The following HSF5 variants were observed in gnomAD, a reference collection of about 807,000 sequenced individuals.
HSF5 encodes the protein heat shock transcription factor 5.
HSF5 carries 5 observed loss-of-function variants against 50.8 expected under a neutral mutation model. The ratio of observed to expected loss-of-function variants is 0.10; its 90% CI spans 0.05 to 0.21. The LOEUF is 0.21. Among genes scored for constraint, HSF5 ranks in the 10% least tolerant of loss-of-function variants. HSF5 has a pLI of 1.00. For missense variants in HSF5, 564 were observed against 762.6 expected (o/e 0.74, Z 3.07); for synonymous variants, 307 against 307.4 (o/e 1.00, Z 0.02).
chr17:58,462,297 A>G (rs1332867031), intron 4 of HSF5, among the ~76,000 whole-genome samples: 5 of 152,244 alleles, frequency 3.3e-5, no homozygotes, highest in Admixed American at 3.3e-4. Context: ...CAAACACAGT[A>G]TGCTCACAAG....
intron 5 of HSF5, among the ~76,000 whole-genome samples, chr17:58,452,433 A>C (rs1442870925): frequency 6.6e-6 from 1 of 152,244 alleles, no homozygotes; most frequent in East Asian, 1.9e-4. Context: ...CTGAACACAT[A>C]AAATGTATCA....
rs759430643 is a variant in HSF5 at position 58,479,913 on chromosome 17, G to A, written c.905C>T (p.Ser302Leu). Residue 302 changes from serine to leucine, a missense_variant, in exon 2 of 6, where the codon TCG becomes TTG. Physicochemically the swap from Ser to Leu is moderately radical, Grantham distance 145. Coordinates refer to ENST00000323777, the MANE Select transcript of HSF5 (RefSeq NM_001080439.3). ...YSNYTPSAQY[S>L]QAYYPTAVLQ... ...CATACCTGTTGGATAGTAGGCTTGC[G>A]AGTACTGTGCTGAGGGTGTGTAGTT... The A allele has an allele frequency of 1.5e-5, 25 of 1,613,124 alleles. 1 individual carries two copies. Among genetic ancestry groups the A allele is most frequent in the Non-Finnish European group, 1.9e-5 (23 of 1,179,776 alleles).
chr17:58,440,593 T>C (rs1477958186), intron 5 of HSF5, among the ~76,000 whole-genome samples: 1 of 151,934 alleles, frequency 6.6e-6, no homozygotes, highest in Admixed American at 6.6e-5. Flanking sequence ...CATGAGGGAG[T>C]AGCCACTGTG....
intron 5 of HSF5, among the ~76,000 whole-genome samples, chr17:58,436,538 GA>G (rs1005915577): frequency 9.9e-5 from 14 of 141,288 alleles, no homozygotes; most frequent in Non-Finnish European, 1.5e-4. Context: ...GCTTTACTTA[GA>G]AAAAAAAAAC....
intron 2 of HSF5, among the ~76,000 whole-genome samples, chr17:58,478,601 C>A (rs1448867788): frequency 1.3e-5 from 2 of 151,354 alleles, no homozygotes; most frequent in Non-Finnish European, 2.9e-5. Flanking sequence ...GTGGCTCACT[C>A]CCGTAATCCC....
At chr17:58,466,854 C>T (rs768366552) in intron 3 of HSF5, 31 bp downstream of exon 3, 20 of 1,344,942 alleles carry the variant, frequency 1.5e-5, no homozygotes, top group Admixed American at 3.4e-5. Context: ...ACATAAAGCG[C>T]GGAGCATGGC....
intron 5 of HSF5, among the ~76,000 whole-genome samples, chr17:58,443,501 A>C (rs1470396722): frequency 2.6e-5 from 4 of 152,146 alleles, no homozygotes; most frequent in East Asian, 3.8e-4. Context: ...CCTGCTCTCG[A>C]GCCCTCTGCC....
At chr17:58,475,708 A>T (rs1288807254) in intron 2 of HSF5, among the ~76,000 whole-genome samples, 5 of 152,204 alleles carry the variant, frequency 3.3e-5, no homozygotes, top group African/African-American at 7.2e-5. Context: ...AGACAGATAC[A>T]TGTTGGTAAA....
At position 58,449,105 on chromosome 17, in the gene HSF5, C is replaced by T. The variant is rs1204817101; in HGVS notation, c.1720+9663G>A. On this transcript the variant is annotated intron_variant, in intron 5 of 5. Coordinates refer to ENST00000323777, the MANE Select transcript of HSF5 (RefSeq NM_001080439.3). ...ATAACTGTAAGATGTTTTTTGTAGG[C>T]CTTGTGGTAATCATAGACAAAACCC... Among the ~76,000 whole-genome samples the T allele has an allele frequency of 7.2e-5, 11 of 151,838 alleles. No individual in the cohort carries two copies. The East Asian group carries it at 2.1e-3, about 29-fold the overall frequency.
At position 58,481,389 on chromosome 17, in the gene HSF5, G is replaced by T. The variant is rs189660502; in HGVS notation, c.551-1122C>A. Among the ~76,000 whole-genome samples, 298 of 152,296 alleles carry T rather than the reference G, an allele frequency of 2.0e-3. 2 individuals carry two copies. The highest frequency in any genetic ancestry group is 3.3e-3 in the Non-Finnish European group (223 of 68,018). On this transcript the variant is annotated intron_variant, in intron 1 of 5. Coordinates refer to ENST00000323777, the MANE Select transcript of HSF5 (RefSeq NM_001080439.3). ...TGGAGATAAGGAAGAGAGAGAAAGG[G>T]CAATAGTATGTAATGAGGGAAGGGA...
intron 1 of HSF5, among the ~76,000 whole-genome samples, chr17:58,484,064 C>G (rs1373743108): frequency 2.0e-5 from 3 of 152,134 alleles, no homozygotes; most frequent in African/African-American, 7.2e-5. Context: ...CTAAATTATT[C>G]AAGTTCTAAT....
In HSF5 at chr17:58,458,793, G is replaced by A. The variant is rs1246259521; in HGVS notation, c.1695C>T (p.Ser565=). 1 of 1,612,710 alleles carries A rather than the reference G, an allele frequency of 6.2e-7. No homozygotes were observed. The highest frequency in any genetic ancestry group is 2.2e-5 in the East Asian group (1 of 44,854). ...ATPARYREHR[S]NSQQGKSPDL... is the part of the protein sequence containing the mutation. ...CAGGGGACTTTCCTTGTTGTGAGTT[G>A]CTTCTGTGCTCTCTGTATCTGGCTG... The change falls in exon 5 of 6, where the codon AGC becomes AGT. Residue 565 remains serine, a synonymous_variant. Coordinates refer to ENST00000323777, the MANE Select transcript of HSF5 (RefSeq NM_001080439.3).
intron 5 of HSF5, among the ~76,000 whole-genome samples, chr17:58,452,414 G>A (rs1974653574): frequency 6.6e-6 from 1 of 152,156 alleles, no homozygotes. Flanking sequence ...AGAAGAAATG[G>A]ATAAATTCCT....
At chr17:58,435,138 G>A (rs977224406) in intron 5 of HSF5, among the ~76,000 whole-genome samples, 6 of 152,214 alleles carry the variant, frequency 3.9e-5, no homozygotes, top group African/African-American at 4.8e-5. Flanking sequence ...GAGAGGAGGA[G>A]TGTTGGAAAC....
In HSF5 at chr17:58,487,945, G is replaced by A. The variant is rs943607831; in HGVS notation, c.330C>T (p.His110=). ...GKPAGNGPLH[H]FHNPHFRRDQ... ...CGCGGCGGAAGTGCGGGTTGTGGAA[G>A]TGATGGAGCGGCCCATTGCCTGCCG... The change falls in exon 1 of 6, where the codon CAC becomes CAT. Residue 110 remains histidine (H), a synonymous_variant. Transcript: ENST00000323777. 4 of 1,611,604 alleles carry A rather than the reference G, an allele frequency of 2.5e-6. No individual in the cohort carries two copies. Among genetic ancestry groups the A allele is most frequent in the Admixed American group, 1.7e-5 (1 of 59,946 alleles).
chr17:58,473,593 T>G (rs1974975651), intron 2 of HSF5, among the ~76,000 whole-genome samples: 1 of 152,090 alleles, frequency 6.6e-6, no homozygotes, highest in South Asian at 2.1e-4. Flanking sequence ...TAATGCTGGA[T>G]CTACAAAATC....
intron 2 of HSF5, among the ~76,000 whole-genome samples, chr17:58,469,591 A>G (rs1199388444): frequency 1.3e-5 from 2 of 152,218 alleles, no homozygotes; most frequent in African/African-American, 4.8e-5. Context: ...AAGTATTAGT[A>G]AGTTTACTGA....
chr17:58,460,367 T>C (rs1385525161), intron 4 of HSF5, among the ~76,000 whole-genome samples: 1 of 152,080 alleles, frequency 6.6e-6, no homozygotes, highest in Non-Finnish European at 1.5e-5. Flanking sequence ...TGTAAATCCC[T>C]TTGTCAAGTT....
At chr17:58,446,033 A>T (rs1458981578) in intron 5 of HSF5, among the ~76,000 whole-genome samples, 2 of 150,552 alleles carry the variant, frequency 1.3e-5, no homozygotes. Context: ...AGCTACTTGG[A>T]GGCTGAGGCA....
Sources: gnomAD v4.1 joint callset for allele counts (sites outside exome capture counted in the v4.1 genomes callset) on GRCh38, gnomAD v4.1.1 for gene constraint, MANE v1.5 for transcripts, NCBI Gene and HGNC (gene_info 2026-07-23, HGNC 2026-07-21) for gene names.